The following PTPN3 variants were observed in gnomAD, a reference collection of about 807,000 sequenced individuals.
PTPN3 encodes the protein protein tyrosine phosphatase non-receptor type 3.
In PTPN3, 96 loss-of-function variants were observed where a neutral mutation model predicts 132.7. That is an observed-to-expected ratio of 0.72 (90% CI 0.61 to 0.86). PTPN3 has a LOEUF of 0.86. Ranked by LOEUF, PTPN3 falls within the 40% of genes least tolerant of loss-of-function variation. The pLI, the probability that PTPN3 is intolerant of heterozygous loss-of-function variation, is 0.00. For synonymous variants in PTPN3, 398 were observed against 429.0 expected (o/e 0.93, Z 0.89); for missense variants, 1,125 against 1,159.6 (o/e 0.97, Z 0.43).
Position 109,463,420 on chromosome 9 carries a change from T to C in PTPN3, c.15A>G (p.Leu5=). MTSR[L]RALGGRINNI... Reference sequence around the variant, plus strand: ...TATTAATTCTTCCACCCAACGCACGTAACCGGGAGGTCATAACTATCGCTG... The same window carrying C: ...TATTAATTCTTCCACCCAACGCACGCAACCGGGAGGTCATAACTATCGCTG... Residue 5 remains leucine, a synonymous_variant, in exon 2 of 26, where the codon TTA becomes TTG. Coordinates refer to ENST00000374541, the MANE Select transcript of PTPN3 (RefSeq NM_002829.4). 1 of 1,609,894 alleles carries C rather than the reference T, an allele frequency of 6.2e-7. No homozygotes were observed. Among genetic ancestry groups the C allele is most frequent in the Non-Finnish European group, 8.5e-7 (1 of 1,179,014 alleles).
chr9:109,492,022 G>A (rs967254724), intron 1 of PTPN3, among the ~76,000 whole-genome samples: 11 of 152,222 alleles, frequency 7.2e-5, no homozygotes, highest in African/African-American at 2.4e-4. Flanking sequence ...TTTCAGAGAA[G>A]CATCATGCAT....
intron 14 of PTPN3, among the ~76,000 whole-genome samples, chr9:109,412,625 G>A (rs966794677): frequency 1.3e-5 from 2 of 151,966 alleles, no homozygotes; most frequent in African/African-American, 4.8e-5. Context: ...CACCTGCCTC[G>A]GCCTCCCAAA....
intron 1 of PTPN3, among the ~76,000 whole-genome samples, chr9:109,492,225 G>A (rs1165346492): frequency 2.6e-5 from 4 of 152,098 alleles, no homozygotes; most frequent in Non-Finnish European, 5.9e-5. Context: ...CTCCCTCACC[G>A]AGAACCTCTG....
At chr9:109,470,339 C>T (rs1048539748) in intron 1 of PTPN3, among the ~76,000 whole-genome samples, 1 of 152,140 alleles carries the variant, frequency 6.6e-6, no homozygotes, top group Non-Finnish European at 1.5e-5. Context: ...CAACAAGCAA[C>T]AATCACTCGC....
intron 25 of PTPN3, among the ~76,000 whole-genome samples, chr9:109,380,456 A>G (rs1032004360): frequency 6.6e-6 from 1 of 152,156 alleles, no homozygotes; most frequent in Non-Finnish European, 1.5e-5. Flanking sequence ...GGGTTTCACT[A>G]TGTTAGCCAG....
chr9:109,459,892 C>T (rs1486933630), intron 2 of PTPN3, among the ~76,000 whole-genome samples: 2 of 152,108 alleles, frequency 1.3e-5, no homozygotes, highest in African/African-American at 4.8e-5. Context: ...CTCTCCTACC[C>T]TTAAGCACCG....
chr9:109,487,017 A>G (rs1847247486), intron 1 of PTPN3, among the ~76,000 whole-genome samples: 1 of 152,198 alleles, frequency 6.6e-6, no homozygotes, highest in African/African-American at 2.4e-5. Context: ...TTCTTTATAA[A>G]TAACGCAGTC....
intron 16 of PTPN3, 33 bp from the exon 17 acceptor site, chr9:109,408,410 GTTT>G: frequency 2.0e-6 from 3 of 1,500,002 alleles, no homozygotes; most frequent in South Asian, 2.5e-5. Flanking sequence ...ACAAAACAAA[GTTT>G]TTTAAGTTAA....
chr9:109,449,641 C>T, intron 5 of PTPN3: 1 of 985,428 alleles, frequency 1.0e-6, no homozygotes, highest in Non-Finnish European at 1.2e-6. Context: ...AGGGATGCGG[C>T]ATACATGTGA....
chr9:109,520,665 C>G, the PTPN3 span, among the ~76,000 whole-genome samples: 2 of 152,212 alleles, frequency 1.3e-5, no homozygotes, highest in Non-Finnish European at 2.9e-5. Context: ...CACACAGTCT[C>G]TTTGCGCCCT....
chr9:109,484,851 C>T (rs1054185884), intron 1 of PTPN3, among the ~76,000 whole-genome samples: 1 of 152,204 alleles, frequency 6.6e-6, no homozygotes. Flanking sequence ...TATGACCCCC[C>T]ATCCTGCGCT....
At chr9:109,529,858 G>A in the PTPN3 span, among the ~76,000 whole-genome samples, 1 of 151,986 alleles carries the variant, frequency 6.6e-6, no homozygotes. Flanking sequence ...ATGCGTTGGG[G>A]GTGGGGATTT....
At chr9:109,390,143 C>T (rs1839938659) in intron 21 of PTPN3, among the ~76,000 whole-genome samples, 1 of 152,164 alleles carries the variant, frequency 6.6e-6, no homozygotes, top group African/African-American at 2.4e-5. Context: ...ATTGCTGCCC[C>T]TAATGTTTCT....
At chr9:109,493,283 C>T (rs1299030904) in intron 1 of PTPN3, among the ~76,000 whole-genome samples, 3 of 152,172 alleles carry the variant, frequency 2.0e-5, no homozygotes, top group Admixed American at 6.5e-5. Context: ...AGACAAATCT[C>T]GGCTGCACTG....
At chr9:109,381,589 A>G in intron 25 of PTPN3, 63 bp downstream of exon 25, 1 of 1,587,014 alleles carries the variant, frequency 6.3e-7, no homozygotes. Flanking sequence ...CCCTTCTCTC[A>G]GGCCTGCCTG....
chr9:109,522,112 G>C, the PTPN3 span, among the ~76,000 whole-genome samples: 1 of 152,208 alleles, frequency 6.6e-6, no homozygotes, highest in African/African-American at 2.4e-5. Flanking sequence ...GTGACTCAAA[G>C]TGTGGACGGC....
At chr9:109,433,044 A>G (rs1197435120) in intron 10 of PTPN3, 29 bp downstream of exon 10, 2 of 1,608,318 alleles carry the variant, frequency 1.2e-6, no homozygotes, top group Admixed American at 1.7e-5. Flanking sequence ...AGCATGATTC[A>G]GAAAATAATG....
At chr9:109,489,316 T>C (rs1280362165) in intron 1 of PTPN3, among the ~76,000 whole-genome samples, 1 of 152,220 alleles carries the variant, frequency 6.6e-6, no homozygotes, top group Non-Finnish European at 1.5e-5. Context: ...AGTGGCATCC[T>C]ACTGGAGGTG....
chr9:109,410,259 G>T lies in PTPN3; in HGVS notation c.1470C>A (p.Thr490=), dbSNP rs560782508. ...CACAGTAGTACTGGCTGGCGTCCTC[G>T]GTGGAGCCCCCTTTGGTCACCCTGT... ...DFHRVTKGGS[T]EDASQYYCDK... The change falls in exon 15 of 26, where the codon ACC becomes ACA. Residue 490 remains threonine, a synonymous_variant. Transcript: ENST00000374541. The T allele has an allele frequency of 6.2e-7, 1 of 1,614,170 alleles. No individual in the cohort carries two copies. The highest frequency in any genetic ancestry group is 1.1e-5 in the South Asian group (1 of 91,064).
Sources: allele counts gnomAD v4.1 joint callset (sites outside exome capture counted in the v4.1 genomes callset), GRCh38; gene constraint gnomAD v4.1.1; transcripts MANE v1.5; gene names NCBI Gene and HGNC (gene_info 2026-07-23, HGNC 2026-07-21).